The following TRIP6 variants were observed in gnomAD, a reference collection of about 807,000 sequenced individuals.
TRIP6 encodes thyroid receptor-interacting protein 6.
In TRIP6, 33 loss-of-function variants were observed where a neutral mutation model predicts 51.9. The ratio of observed to expected loss-of-function variants is 0.64; its 90% CI spans 0.48 to 0.85. The LOEUF (loss-of-function observed/expected upper bound fraction) is 0.85, where lower values mean the gene tolerates loss of function less well. Among genes scored for constraint, TRIP6 ranks in the 40% least tolerant of loss-of-function variants. The probability of loss-of-function intolerance (pLI) is 0.00; values close to 1 mark genes in which losing one functional copy is unlikely to be tolerated. For synonymous variants in TRIP6, 255 were observed against 275.8 expected (o/e 0.92, Z 0.75); for missense variants, 661 against 652.1 (o/e 1.01, Z -0.15).
chr7:100,870,322 A>G, intron 4 of TRIP6, 48 bp from the exon 5 acceptor site: 1 of 1,567,288 alleles, frequency 6.4e-7, no homozygotes, highest in South Asian at 1.1e-5. Context: ...CCCTGGTATT[A>G]CAGCATCAGG....
chr7:100,871,606 G>A lies in TRIP6; in HGVS notation c.1063G>A (p.Gly355Arg), dbSNP rs1339292688. Reference protein sequence around the residue: ...PILDRILRAMGKAYHPGCFTC... With the variant: ...PILDRILRAMRKAYHPGCFTC... Reference sequence around the variant, plus strand: ...CCTGGACCGGATCCTGCGGGCTATGGGGAAGGCCTACCACCCTGGCTGCTT... The same window carrying A: ...CCTGGACCGGATCCTGCGGGCTATGAGGAAGGCCTACCACCCTGGCTGCTT... The change falls in exon 7 of 9, where the codon GGG becomes AGG. Residue 355 changes from glycine to arginine, a missense_variant. Coordinates refer to ENST00000200457, the MANE Select transcript of TRIP6 (RefSeq NM_003302.3). 6.2e-7 allele frequency: 1 copy of A among 1,614,010 alleles called. No individual in the cohort carries two copies.
rs768074667 is a variant in TRIP6 at position 100,867,954 on chromosome 7, G to C, written c.203G>C (p.Trp68Ser). The C allele has an allele frequency of 1.4e-5, 21 of 1,513,954 alleles. No individual in the cohort carries two copies. The South Asian group carries it at 2.6e-4, about 18-fold the overall frequency. The allele number at this position is 1,513,954 out of a possible 1,614,324, so 93.8% of individuals were successfully genotyped here. Residue 68 changes from tryptophan to serine, a missense_variant, in exon 2 of 9, where the codon TGG (tryptophan) becomes TCG (serine). Physicochemically the swap from Trp to Ser is radical, Grantham distance 177. Transcript: ENST00000200457. The surrounding 1 kb of genome is among the most constrained non-coding windows in gnomAD (Gnocchi z 5.4). ...GGACCGGAGGATCGGGGGCCGGCGT[G>C]GGTGGGGTCCCATGGAGTACTCCAG... The part of the protein sequence containing the change: ...PGGPEDRGPA[W>S]VGSHGVLQHT...
At position 100,870,629 on chromosome 7, in the gene TRIP6, C is replaced by T. The variant is rs1815247956; in HGVS notation, c.885C>T (p.Ala295=). Residue 295 remains alanine (A), a synonymous_variant, in exon 6 of 9, where the codon GCC becomes GCT. Transcript: ENST00000200457. ...DVVGDGAGVV[A]LDRVFHVGCF... is the part of the protein sequence containing the mutation. Reference sequence around the variant, plus strand: ...TTGGGGATGGGGCTGGGGTTGTGGCCCTTGATCGCGTCTTTCACGTGGGCT... The same window carrying T: ...TTGGGGATGGGGCTGGGGTTGTGGCTCTTGATCGCGTCTTTCACGTGGGCT... 1.9e-6 allele frequency: 3 copies of T among 1,614,018 alleles called. No individual in the cohort carries two copies. Among genetic ancestry groups the T allele is most frequent in the Non-Finnish European group, 2.5e-6 (3 of 1,180,020 alleles).
rs6706 is a variant in TRIP6, at chr7:100,873,422, C to T, written c.*119C>T. ...AAATGCTGTCTTCTCTTTCTCCAATCAAGAAATAATAATCCCTCGAGTTTA... is the reference window on the plus strand; with the variant it reads ...AAATGCTGTCTTCTCTTTCTCCAATTAAGAAATAATAATCCCTCGAGTTTA... On this transcript the variant is annotated 3_prime_UTR_variant, in exon 9 of 9. Transcript: ENST00000200457. 0.17 allele frequency: 233,749 copies of T among 1,400,566 alleles called. 21,228 individuals carry two copies. Among genetic ancestry groups the T allele is most frequent in the Middle Eastern group, 0.19 (755 of 3,934 alleles). 86.8% of individuals were successfully genotyped at this position (1,400,566 alleles called of 1,614,324 possible).
rs867354970 is a variant in TRIP6 at position 100,872,793 on chromosome 7, G to A, written c.1299+49G>A. 4 of 1,609,260 alleles carry A rather than the reference G, an allele frequency of 2.5e-6. 1 individual carries two copies. In the Middle Eastern group the frequency reaches 5.0e-4, roughly 200 times the overall value. ...AGGGGCTGGCAGTGTCTAGGGTGCTGGGTAGAGCATGAGGGGGAACACAGA... is the reference window on the plus strand; with the variant it reads ...AGGGGCTGGCAGTGTCTAGGGTGCTAGGTAGAGCATGAGGGGGAACACAGA... On this transcript the variant is annotated intron_variant, in intron 8 of 8. Coordinates refer to ENST00000200457, the MANE Select transcript of TRIP6 (RefSeq NM_003302.3).
At chr7:100,871,801 C>A in intron 7 of TRIP6, 80 bp downstream of exon 7, 1 of 1,514,920 alleles carries the variant, frequency 6.6e-7, no homozygotes, top group Non-Finnish European at 8.9e-7. Flanking sequence ...AGGACTGTCT[C>A]TTCCTGTTTC....
chr7:100,871,061 T>C (rs1815258963), intron 6 of TRIP6: 1 of 535,768 alleles, frequency 1.9e-6, no homozygotes, highest in African/African-American at 1.9e-5. Context: ...TTTGAGACAG[T>C]CTCGCTCTGT....
chr7:100,873,385 G>A lies in TRIP6; in HGVS notation c.*82G>A. 6.6e-7 allele frequency: 1 copy of A among 1,505,734 alleles called. No individual in the cohort carries two copies. The highest frequency in any genetic ancestry group is 1.3e-5 in the South Asian group (1 of 76,936). 93.3% of individuals were successfully genotyped at this position (1,505,734 alleles called of 1,614,324 possible). A position where few individuals can be genotyped will look rare whatever the true frequency, so the allele number is the denominator to read the frequency against. On this transcript the variant is annotated 3_prime_UTR_variant, in exon 9 of 9. Transcript: ENST00000200457. ...CACTCTCCCTGACATCCACCTGTAT[G>A]ACTTTGTCACCAAATGCTGTCTTCT...
In TRIP6 at chr7:100,870,364, T is replaced by G. The variant is rs778683959; in HGVS notation, c.736-6T>G. The stretch of plus-strand genomic sequence containing the variant: ...AGTAGGACCGAGCCCGATTCCCACC[T>G]TCCAGGTGCCCCTGAGCCAGCCTCC... On this transcript the variant is annotated splice_region_variant and splice_polypyrimidine_tract_variant and intron_variant, in intron 4 of 8. Coordinates refer to ENST00000200457, the MANE Select transcript of TRIP6 (RefSeq NM_003302.3). 12 of 1,611,318 alleles carry G rather than the reference T, an allele frequency of 7.4e-6. No individual in the cohort carries two copies. The highest frequency in any genetic ancestry group is 1.0e-5 in the Non-Finnish European group (12 of 1,179,674).
chr7:100,872,935 C>G (rs1815303789), intron 8 of TRIP6, 191 bp downstream of exon 8: 1 of 1,109,888 alleles, frequency 9.0e-7, no homozygotes. Flanking sequence ...ACTGCAACCT[C>G]CACCTCCCGG....
chr7:100,868,439 T>C lies in TRIP6; in HGVS notation c.364-56T>C, dbSNP rs545350896. ...CCACAGCCAGGGTCATTTCCACAAA[T>C]GTGGGTCTTGGAGTGGGGTCCTTGC... On this transcript the variant is annotated intron_variant, in intron 3 of 8. Transcript: ENST00000200457. The C allele has an allele frequency of 2.8e-5, 45 of 1,611,254 alleles. No individual in the cohort carries two copies. The African/African-American group carries it at 4.8e-4, about 17-fold the overall frequency.
Position 100,868,636 on chromosome 7 carries a change from C to T in TRIP6, c.505C>T (p.Pro169Ser), listed in dbSNP as rs1289091391. The T allele has an allele frequency of 1.9e-6, 3 of 1,611,868 alleles. No homozygotes were observed. The highest frequency in any genetic ancestry group is 2.5e-6 in the Non-Finnish European group (3 of 1,179,392). The change falls in exon 4 of 9, where the codon CCC (proline) becomes TCC (serine). Residue 169 changes from proline to serine, a missense_variant. Coordinates refer to ENST00000200457, the MANE Select transcript of TRIP6 (RefSeq NM_003302.3). ...CAGCACCCCGGCTGGCCCAGCCTTC[C>T]CCGTGCAAGTGAAGGTGGCACAGCC... ...TASTPAGPAF[P>S]VQVKVAQPVR...
rs1584720972 is a variant in TRIP6, at chr7:100,873,387, C to CT, written c.*87dup. The CT allele has an allele frequency of 6.7e-7, 1 of 1,499,952 alleles. No individual in the cohort carries two copies. The highest frequency in any genetic ancestry group is 8.9e-7 in the Non-Finnish European group (1 of 1,123,984). The allele number at this position is 1,499,952 out of a possible 1,614,324, so 92.9% of individuals were successfully genotyped here. ...CTCTCCCTGACATCCACCTGTATGA[C>CT]TTTGTCACCAAATGCTGTCTTCTCT... On this transcript the variant is annotated 3_prime_UTR_variant, in exon 9 of 9. Coordinates refer to ENST00000200457, the MANE Select transcript of TRIP6 (RefSeq NM_003302.3).
chr7:100,870,471 G>A lies in TRIP6; in HGVS notation c.829+8G>A. On this transcript the variant is annotated splice_region_variant and intron_variant, in intron 5 of 8. Coordinates refer to ENST00000200457, the MANE Select transcript of TRIP6 (RefSeq NM_003302.3). ...CCAGCGGGGAGTACTTTGGTGAGCT[G>A]AGGCTGTGGGGTGGGTGGGACGTGG... The A allele has an allele frequency of 6.2e-7, 1 of 1,612,008 alleles. No individual in the cohort carries two copies. The highest frequency in any genetic ancestry group is 8.5e-7 in the Non-Finnish European group (1 of 1,178,646).
rs1815249002 is a variant in TRIP6 at position 100,870,671 on chromosome 7, A to G, written c.927A>G (p.Thr309=). The G allele has an allele frequency of 6.2e-7, 1 of 1,613,988 alleles. No homozygotes were observed. Among genetic ancestry groups the G allele is most frequent in the Non-Finnish European group, 8.5e-7 (1 of 1,179,992 alleles). ...ACGTGGGCTGCTTTGTATGTTCTACATGCCGGGCCCAGCTTCGCGGCCAGC... is the reference window on the plus strand; with the variant it reads ...ACGTGGGCTGCTTTGTATGTTCTACGTGCCGGGCCCAGCTTCGCGGCCAGC... ...VFHVGCFVCS[T]CRAQLRGQHF... The change falls in exon 6 of 9, where the codon ACA becomes ACG. Residue 309 remains threonine (T), a synonymous_variant. Coordinates refer to ENST00000200457, the MANE Select transcript of TRIP6 (RefSeq NM_003302.3).
intron 4 of TRIP6, among the ~76,000 whole-genome samples, chr7:100,869,323 G>A (rs771599130): frequency 3.3e-5 from 5 of 151,498 alleles, no homozygotes; most frequent in Admixed American, 6.6e-5. Context: ...AGGGCAGTGC[G>A]GGGGAGCAGG....
In TRIP6 at chr7:100,870,610, A is replaced by T; in HGVS notation, c.866A>T (p.Asp289Val). 6.2e-7 allele frequency: 1 copy of T among 1,614,022 alleles called. No individual in the cohort carries two copies. Reference sequence around the variant, plus strand: ...GGCTGCGGAGAAGATGTGGTTGGGGATGGGGCTGGGGTTGTGGCCCTTGAT... The same window carrying T: ...GGCTGCGGAGAAGATGTGGTTGGGGTTGGGGCTGGGGTTGTGGCCCTTGAT... ...CGGCGEDVVG[D>V]GAGVVALDRV... is the part of the protein sequence containing the mutation. Residue 289 changes from aspartate (D) to valine (V), a missense_variant, in exon 6 of 9, where the codon GAT (aspartate) becomes GTT (valine). By Grantham distance (152) the Asp-to-Val change is radical (BLOSUM62 -3). Transcript: ENST00000200457.
chr7:100,870,571 C>T lies in TRIP6; in HGVS notation c.830-3C>T. Reference sequence around the variant, plus strand: ...GACTGATGCTGTTTCTCCCTGTCCTCAGGCCAGTGTGGTGGCTGCGGAGAA... The same window carrying T: ...GACTGATGCTGTTTCTCCCTGTCCTTAGGCCAGTGTGGTGGCTGCGGAGAA... On this transcript the variant is annotated splice_polypyrimidine_tract_variant and splice_region_variant and intron_variant, in intron 5 of 8. Transcript: ENST00000200457. 1 of 1,613,364 alleles carries T rather than the reference C, an allele frequency of 6.2e-7. No homozygotes were observed.
In TRIP6 at chr7:100,867,715, C is replaced by T; in HGVS notation, c.109+109C>T. ...GCTTCCTCCTGCCCCTTCCCCAAGC[C>T]GAGGCGGGGGGAACAGCCGCCTGCG... On this transcript the variant is annotated intron_variant, in intron 1 of 8. Coordinates refer to ENST00000200457, the MANE Select transcript of TRIP6 (RefSeq NM_003302.3). This position sits in a 1 kb window ranked among gnomAD's most constrained non-coding sequence, Gnocchi z 5.4. 1.3e-6 allele frequency: 2 copies of T among 1,523,500 alleles called. No individual in the cohort carries two copies. Among genetic ancestry groups the T allele is most frequent in the Non-Finnish European group, 1.8e-6 (2 of 1,131,462 alleles). The allele number at this position is 1,523,500 out of a possible 1,614,324, so 94.4% of individuals were successfully genotyped here.
Sources: gnomAD v4.1 joint callset for allele counts (sites outside exome capture counted in the v4.1 genomes callset) on GRCh38, gnomAD v4.1.1 for gene constraint, Gnocchi (gnomAD v3.1) non-coding constraint, MANE v1.5 for transcripts, NCBI Gene and HGNC (gene_info 2026-07-23, HGNC 2026-07-21) for gene names.